The following TMEM117 variants were observed in gnomAD, a reference collection of about 807,000 sequenced individuals.
TMEM117 encodes the protein transmembrane protein 117.
A neutral mutation model predicts 52.4 loss-of-function variants in TMEM117; 27 were observed. The ratio of observed to expected loss-of-function variants is 0.51; its 90% CI spans 0.38 to 0.71. TMEM117 has a LOEUF of 0.71. Among genes scored for constraint, TMEM117 ranks in the 30% least tolerant of loss-of-function variants. TMEM117 has a pLI of 0.00. For missense variants in TMEM117, 556 were observed against 630.5 expected, an observed-to-expected ratio of 0.88 and a Z score of 1.26; for synonymous variants, 215 against 206.3, an observed-to-expected ratio of 1.04 and a Z score of -0.36.
rs1943525474 is a variant in TMEM117, at chr12:43,863,456, A to G, written c.277+18528A>G. 2.0e-5 allele frequency among the ~76,000 whole-genome samples: 3 copies of G among 152,320 alleles called. No homozygotes were observed. In the South Asian group the frequency reaches 6.2e-4, roughly 32 times the overall value. On this transcript the variant is annotated intron_variant, in intron 2 of 7. Transcript: ENST00000266534. ...ATTAGATTTTTAGAGTGACTCTTTG[A>G]AAAGATCAGACTATTACGCATGGGG...
intron 3 of TMEM117, among the ~76,000 whole-genome samples, chr12:43,981,482 C>G (rs1294294712): frequency 6.6e-6 from 1 of 152,094 alleles, no homozygotes; most frequent in African/African-American, 2.4e-5. Flanking sequence ...CTGTTAGAGC[C>G]ACGTAAAACT....
intron 2 of TMEM117, among the ~76,000 whole-genome samples, chr12:43,855,275 T>A (rs879319899): frequency 6.7e-4 from 102 of 151,994 alleles, no homozygotes; most frequent in Non-Finnish European, 1.1e-3. Flanking sequence ...TTTCTTTTTT[T>A]TTTTGAGATG....
chr12:44,272,743 A>G (rs1156976400), intron 5 of TMEM117, among the ~76,000 whole-genome samples: 1 of 152,248 alleles, frequency 6.6e-6, no homozygotes, highest in Non-Finnish European at 1.5e-5. Context: ...GAGGATGTGC[A>G]GAAATAGGAA....
intron 3 of TMEM117, among the ~76,000 whole-genome samples, chr12:44,018,199 A>G (rs527336614): frequency 5.9e-5 from 9 of 151,776 alleles, no homozygotes; most frequent in African/African-American, 2.2e-4. Flanking sequence ...AACTAACTCT[A>G]GTTAGTCAAC....
intron 4 of TMEM117, among the ~76,000 whole-genome samples, chr12:44,180,512 C>G (rs1195939218): frequency 8.9e-6 from 1 of 112,592 alleles, no homozygotes. Context: ...CCTCCCCCCA[C>G]CCCACAACAG....
chr12:43,993,224 C>T (rs1945972128), intron 3 of TMEM117, among the ~76,000 whole-genome samples: 1 of 152,220 alleles, frequency 6.6e-6, no homozygotes, highest in Admixed American at 6.5e-5. Flanking sequence ...AACTGAGCTA[C>T]TTCCTGGCTA....
chr12:44,306,468 G>T (rs574474804), intron 6 of TMEM117, among the ~76,000 whole-genome samples: 4 of 152,200 alleles, frequency 2.6e-5, no homozygotes, highest in Non-Finnish European at 4.4e-5. Context: ...AAGCTGAATA[G>T]AGGAGAGACT....
At chr12:44,123,188 G>T (rs11182421) in intron 3 of TMEM117, among the ~76,000 whole-genome samples, 1,933 of 151,292 alleles carry the variant, frequency 0.013, 22 homozygotes, top group Middle Eastern at 0.024. Context: ...ATGTTTGTTG[G>T]CTGTACGTAT....
chr12:43,828,513 C>A, the TMEM117 span, among the ~76,000 whole-genome samples: 3 of 152,236 alleles, frequency 2.0e-5, no homozygotes, highest in South Asian at 4.1e-4. Context: ...ACCAGCCCTT[C>A]CGGTCCATGG....
Position 44,253,415 on chromosome 12 carries a change from G to A in TMEM117, c.608+42028G>A, listed in dbSNP as rs147593469. On this transcript the variant is annotated intron_variant, in intron 5 of 7. Coordinates refer to ENST00000266534, the MANE Select transcript of TMEM117 (RefSeq NM_032256.3). The stretch of plus-strand genomic sequence containing the variant: ...TCTATCCTAAGGGAACACCTTAAAA[G>A]GAGATCAGTAATCCACTCAAAATCC... Among the ~76,000 whole-genome samples, 497 of 152,266 alleles carry A rather than the reference G, an allele frequency of 3.3e-3. 4 individuals carry two copies. Among genetic ancestry groups the A allele is most frequent in the South Asian group, 0.015 (71 of 4,826 alleles).
Position 44,245,840 on chromosome 12 carries a change from C to G in TMEM117, c.608+34453C>G, listed in dbSNP as rs114119475. 5.7e-4 allele frequency among the ~76,000 whole-genome samples: 86 copies of G among 152,128 alleles called. 1 individual carries two copies. Among genetic ancestry groups the G allele is most frequent in the African/African-American group, 2.0e-3 (84 of 41,534 alleles). ...AAATCAGTCAGGAAAACAGAACTTT[C>G]TATAATCCCAAATTAGCCTACAGTT... On this transcript the variant is annotated intron_variant, in intron 5 of 7. Transcript: ENST00000266534.
At chr12:44,034,177 G>A (rs942963682) in intron 3 of TMEM117, among the ~76,000 whole-genome samples, 2 of 152,160 alleles carry the variant, frequency 1.3e-5, no homozygotes, top group African/African-American at 4.8e-5. Flanking sequence ...ATTACACTGT[G>A]ATAGATTTTA....
intron 5 of TMEM117, among the ~76,000 whole-genome samples, chr12:44,250,768 C>T (rs994417746): frequency 6.6e-5 from 10 of 152,026 alleles, no homozygotes; most frequent in Non-Finnish European, 1.2e-4. Flanking sequence ...TGTTCTTGCT[C>T]CTAAGTGGGA....
intron 2 of TMEM117, among the ~76,000 whole-genome samples, chr12:43,886,823 C>T (rs746303769): frequency 2.8e-4 from 42 of 152,140 alleles, no homozygotes; most frequent in Admixed American, 1.9e-3. Context: ...TGAATTGTTC[C>T]GCTCTATGTG....
intron 1 of TMEM117, among the ~76,000 whole-genome samples, chr12:43,842,887 G>A (rs1046395381): frequency 1.3e-5 from 2 of 152,122 alleles, no homozygotes; most frequent in African/African-American, 2.4e-5. Flanking sequence ...TGCTCTCTAG[G>A]CAAGGAAGGT....
At chr12:44,005,438 G>A (rs982965466) in intron 3 of TMEM117, among the ~76,000 whole-genome samples, 2 of 152,076 alleles carry the variant, frequency 1.3e-5, no homozygotes, top group Non-Finnish European at 2.9e-5. Context: ...TAGTCACATT[G>A]GCTAATAGGG....
At chr12:44,205,918 C>T (rs181624499) in intron 4 of TMEM117, among the ~76,000 whole-genome samples, 28 of 152,156 alleles carry the variant, frequency 1.8e-4, no homozygotes, top group African/African-American at 5.8e-4. Flanking sequence ...GGGCATATGC[C>T]GAGACCAGCT....
downstream of TMEM117, among the ~76,000 whole-genome samples, chr12:44,393,726 G>A (rs548530741): frequency 3.9e-5 from 6 of 152,068 alleles, no homozygotes; most frequent in Non-Finnish European, 7.4e-5. Context: ...AATTCTTACC[G>A]CTCAAGAATC....
At chr12:44,353,690 G>T (rs1407227275) in intron 6 of TMEM117, among the ~76,000 whole-genome samples, 1 of 152,116 alleles carries the variant, frequency 6.6e-6, no homozygotes, top group Non-Finnish European at 1.5e-5. Flanking sequence ...TGCTGTTTTG[G>T]TTACTGTAGC....
Sources: allele counts gnomAD v4.1 joint callset (sites outside exome capture counted in the v4.1 genomes callset), GRCh38; gene constraint gnomAD v4.1.1; transcripts MANE v1.5; gene names NCBI Gene and HGNC (gene_info 2026-07-23, HGNC 2026-07-21).